The following LRRIQ1 variants were observed in gnomAD, a reference collection of about 807,000 sequenced individuals.
LRRIQ1 encodes leucine rich repeats and IQ motif containing 1, also known as leucine-rich repeat- and IQ domain-containing protein 1.
A neutral mutation model predicts 211.9 loss-of-function variants in LRRIQ1; 210 were observed. The ratio of observed to expected loss-of-function variants is 0.99; its 90% CI spans 0.89 to 1.11. The LOEUF (loss-of-function observed/expected upper bound fraction) is 1.11, where lower values mean the gene tolerates loss of function less well. Ranked by LOEUF, LRRIQ1 falls within the 50% of genes most tolerant of loss-of-function variation. The probability of loss-of-function intolerance (pLI) is 0.00; values close to 1 mark genes in which losing one functional copy is unlikely to be tolerated. For synonymous variants in LRRIQ1, 699 were observed against 650.1 expected (o/e 1.08, Z -1.14); for missense variants, 2,136 against 1,939.5 (o/e 1.10, Z -1.90).
At chr12:85,073,616 T>C (rs1883330944) in intron 11 of LRRIQ1, among the ~76,000 whole-genome samples, 1 of 152,082 alleles carries the variant, frequency 6.6e-6, no homozygotes, top group Non-Finnish European at 1.5e-5. Flanking sequence ...GCATAGGATA[T>C]CAGCAAGATT....
intron 18 of LRRIQ1, among the ~76,000 whole-genome samples, chr12:85,132,267 A>C (rs1888818216): frequency 6.6e-6 from 1 of 152,112 alleles, no homozygotes; most frequent in Admixed American, 6.6e-5. Context: ...GGTAAAAAAA[A>C]AAGATATGAT....
At chr12:85,183,916 C>T (rs1892109331) in intron 24 of LRRIQ1, among the ~76,000 whole-genome samples, 1 of 152,164 alleles carries the variant, frequency 6.6e-6, no homozygotes, top group East Asian at 1.9e-4. Context: ...AAATTACATA[C>T]AGGCATAACC....
At chr12:85,041,695 C>T (rs1878910231) in intron 3 of LRRIQ1, among the ~76,000 whole-genome samples, 1 of 151,542 alleles carries the variant, frequency 6.6e-6, no homozygotes, top group South Asian at 2.1e-4. Context: ...ATTCTATTCT[C>T]AACATATAAA....
chr12:85,099,557 G>T (rs1251222180), intron 13 of LRRIQ1, among the ~76,000 whole-genome samples: 1 of 151,812 alleles, frequency 6.6e-6, no homozygotes, highest in African/African-American at 2.4e-5. Context: ...GATCTTTGCT[G>T]AGAATAACTG....
At chr12:85,168,051 A>G (rs907365148) in intron 24 of LRRIQ1, among the ~76,000 whole-genome samples, 5 of 152,232 alleles carry the variant, frequency 3.3e-5, no homozygotes, top group Admixed American at 3.3e-4. Flanking sequence ...GTACAAGTGT[A>G]TACATGCACA....
At chr12:85,053,768 C>T (rs144541199) in intron 7 of LRRIQ1, among the ~76,000 whole-genome samples, 53 of 152,236 alleles carry the variant, frequency 3.5e-4, no homozygotes, top group African/African-American at 1.1e-3. Flanking sequence ...AGTGCAGTGG[C>T]GCCATCTCGG....
At chr12:85,041,651 A>G (rs1387771754) in intron 3 of LRRIQ1, among the ~76,000 whole-genome samples, 2 of 151,772 alleles carry the variant, frequency 1.3e-5, no homozygotes, top group Non-Finnish European at 3.0e-5. Flanking sequence ...ATTAGATGAT[A>G]TAGGACTCTT....
intron 19 of LRRIQ1, among the ~76,000 whole-genome samples, chr12:85,145,580 C>T (rs1889836092): frequency 1.3e-5 from 2 of 151,644 alleles, no homozygotes; most frequent in African/African-American, 4.8e-5. Flanking sequence ...TTACCTGTAA[C>T]AGCAGGCAGC....
intron 26 of LRRIQ1, chr12:85,232,998 A>C (rs1895019552): frequency 2.6e-6 from 1 of 382,004 alleles, no homozygotes; most frequent in South Asian, 4.5e-5. Context: ...TTAGCATCCT[A>C]CAACTTTAAA....
At chr12:85,189,072 G>A (rs2136926317) in intron 24 of LRRIQ1, among the ~76,000 whole-genome samples, 1 of 152,160 alleles carries the variant, frequency 6.6e-6, no homozygotes, top group East Asian at 1.9e-4. Context: ...TTGATCGTAA[G>A]ATTAAGTTAA....
In LRRIQ1 at chr12:85,056,258, A is replaced by C. The variant is rs753883964; in HGVS notation, c.1465A>C (p.Lys489Gln). 15 of 1,574,116 alleles carry C rather than the reference A, an allele frequency of 9.5e-6. No individual in the cohort carries two copies. The highest frequency in any genetic ancestry group is 1.3e-5 in the Non-Finnish European group (15 of 1,169,702). The change falls in exon 8 of 27, where the codon AAA becomes CAA. Residue 489 changes from lysine to glutamine, a missense_variant. Coordinates refer to ENST00000393217, the MANE Select transcript of LRRIQ1 (RefSeq NM_001079910.2). ...GGAAGAAAAAAATGAAAACCTAGCAAAAAAACGATGTTCAGAAGAATTGGT... is the reference window on the plus strand; with the variant it reads ...GGAAGAAAAAAATGAAAACCTAGCACAAAAACGATGTTCAGAAGAATTGGT... ...KMEEKNENLA[K>Q]KRCSEELVKQ...
At chr12:85,048,344 G>A (rs942329988) in intron 6 of LRRIQ1, 2 of 152,272 alleles carry the variant, frequency 1.3e-5, no homozygotes, top group African/African-American at 4.8e-5. Flanking sequence ...TGTATAACGA[G>A]GTCAGGAGAT....
At chr12:85,145,308 A>T (rs1889815468) in intron 19 of LRRIQ1, among the ~76,000 whole-genome samples, 1 of 151,740 alleles carries the variant, frequency 6.6e-6, no homozygotes, top group East Asian at 1.9e-4. Context: ...ATTAGCCAGG[A>T]TCCAAAAGCC....
intron 18 of LRRIQ1, 100 bp downstream of exon 18, chr12:85,128,133 C>T (rs1170465080): frequency 1.1e-6 from 1 of 914,294 alleles, no homozygotes; most frequent in Non-Finnish European, 1.7e-6. Context: ...TCAGTGATTA[C>T]AGTTATGTAG....
chr12:85,070,129 A>G (rs1243370355), intron 10 of LRRIQ1, among the ~76,000 whole-genome samples: 1 of 151,946 alleles, frequency 6.6e-6, no homozygotes, highest in Non-Finnish European at 1.5e-5. Context: ...TTAGTTAAAA[A>G]CGGTTTGATT....
In LRRIQ1 at chr12:85,057,130, C is replaced by A. The variant is rs766210127; in HGVS notation, c.2337C>A (p.Pro779=). The A allele has an allele frequency of 2.5e-6, 4 of 1,580,768 alleles. No homozygotes were observed. Among genetic ancestry groups the A allele is most frequent in the Non-Finnish European group, 3.4e-6 (4 of 1,168,760 alleles). The stretch of plus-strand genomic sequence containing the variant: ...TGAAATGCCCAGCCAACATGACACC[C>A]GCTTTGGATAAACTGGAAATTCTTC... ...RPVKCPANMT[P]ALDKLEILRC... Residue 779 remains proline (P), a synonymous_variant, in exon 8 of 27, where the codon CCC becomes CCA. Coordinates refer to ENST00000393217, the MANE Select transcript of LRRIQ1 (RefSeq NM_001079910.2).
At chr12:85,191,037 T>C (rs938917294) in intron 24 of LRRIQ1, among the ~76,000 whole-genome samples, 14 of 151,972 alleles carry the variant, frequency 9.2e-5, no homozygotes, top group Non-Finnish European at 2.9e-5. Flanking sequence ...AGACTCTATA[T>C]TTTAGTATAG....
At position 85,098,391 on chromosome 12, in the gene LRRIQ1, T is replaced by C; in HGVS notation, c.2924T>C (p.Ile975Thr). 1 of 1,609,544 alleles carries C rather than the reference T, an allele frequency of 6.2e-7. No individual in the cohort carries two copies. The highest frequency in any genetic ancestry group is 1.1e-5 in the South Asian group (1 of 90,496). The stretch of plus-strand genomic sequence containing the variant: ...TCTTTGAAAAATCTTCAACAACTAA[T>C]TTTGGACCACAATCAGTTAATTAAT... ...LESLKNLQQL[I>T]LDHNQLINTK... Residue 975 changes from isoleucine to threonine, a missense_variant, in exon 12 of 27, where the codon ATT (isoleucine) becomes ACT (threonine). Physicochemically the swap from Ile to Thr is moderately conservative, Grantham distance 89. Transcript: ENST00000393217.
chr12:85,054,177 G>A (rs7315405), intron 7 of LRRIQ1, among the ~76,000 whole-genome samples: 507 of 152,154 alleles, frequency 3.3e-3, no homozygotes, highest in Admixed American at 7.6e-3. Context: ...GAGTGTTTAA[G>A]ATATGACAGT....
Sources: allele counts gnomAD v4.1 joint callset (sites outside exome capture counted in the v4.1 genomes callset), GRCh38; gene constraint gnomAD v4.1.1; transcripts MANE v1.5; gene names NCBI Gene and HGNC (gene_info 2026-07-23, HGNC 2026-07-21).